ZNF536: variants seen among roughly 807,000 people sequenced by gnomAD.
ZNF536 encodes the protein zinc finger protein 536.
Under a neutral mutation model 84.5 loss-of-function variants are expected in ZNF536, and 13 were observed. The ratio of observed to expected loss-of-function variants is 0.15; its 90% confidence interval spans 0.10 to 0.24. ZNF536 has a LOEUF of 0.24. ZNF536 is among the 10% of genes least tolerant of loss of function. The probability of loss-of-function intolerance (pLI) is 1.00; values close to 1 mark genes in which losing one functional copy is unlikely to be tolerated. For missense variants in ZNF536, 1,536 were observed against 1,747.5 expected (o/e 0.88, Z 2.16); for synonymous variants, 811 against 742.5 (o/e 1.09, Z -1.50).
rs2146240726 is a variant in ZNF536 at position 30,549,156 on chromosome 19, T to C, written c.3537T>C (p.Asp1179=). The part of the protein sequence containing the change: ...DMDSSKGENN[D]EEDVETEPEM... ...ACTCCTCCAAGGGGGAGAACAACGA[T>C]GAAGAGGATGTTGAAACCGAACCGG... is the stretch of plus-strand genomic sequence containing the variant. Residue 1179 remains aspartate (D), a synonymous_variant, in exon 4 of 5, where the codon GAT becomes GAC. Transcript: ENST00000355537. 1 of 1,613,984 alleles carries C rather than the reference T, an allele frequency of 6.2e-7. No homozygotes were observed. The highest frequency in any genetic ancestry group is 1.3e-5 in the African/African-American group (1 of 75,020).
At chr19:30,506,510 A>G (rs1300993023) in intron 2 of ZNF536, among the ~76,000 whole-genome samples, 7 of 152,160 alleles carry the variant, frequency 4.6e-5, no homozygotes, top group Non-Finnish European at 1.0e-4. Context: ...CCCTTAACAG[A>G]GACTTCTAGG....
intron 2 of ZNF536, among the ~76,000 whole-genome samples, chr19:30,285,165 A>G (rs1473821962): frequency 6.6e-6 from 1 of 152,254 alleles, no homozygotes; most frequent in Non-Finnish European, 1.5e-5. Context: ...ACATGTACCA[A>G]CACCCTATTC....
At position 30,330,242 on chromosome 19, in the gene ZNF536, G is replaced by C. The variant is rs559986872; in HGVS notation, c.-119-22126G>C. Among the ~76,000 whole-genome samples, 30 of 152,334 alleles carry C rather than the reference G, an allele frequency of 2.0e-4. 1 individual carries two copies. The South Asian group carries it at 6.0e-3, about 31-fold the overall frequency. On this transcript the variant is annotated intron_variant, in intron 2 of 5. Coordinates refer to the ZNF536 transcript ENST00000585628. ...TAACTGTGCTAAATTCGATCATGTAGAAGTTTGTGGCCAATAGTATTATAT... is the reference window on the plus strand; with the variant it reads ...TAACTGTGCTAAATTCGATCATGTACAAGTTTGTGGCCAATAGTATTATAT...
At chr19:30,425,156 G>T (rs1745081760) in intron 1 of ZNF536, among the ~76,000 whole-genome samples, 1 of 151,992 alleles carries the variant, frequency 6.6e-6, no homozygotes, top group South Asian at 2.1e-4. Flanking sequence ...CTGTTCTGGT[G>T]ATGGGTGCAC....
intron 1 of ZNF536, among the ~76,000 whole-genome samples, chr19:30,640,298 T>C (rs544869931): frequency 4.6e-5 from 7 of 152,136 alleles, no homozygotes; most frequent in African/African-American, 1.7e-4. Context: ...GCACCACTGT[T>C]TTTTTCATGC....
chr19:30,373,679 T>G (rs2048696645), intron 1 of ZNF536, among the ~76,000 whole-genome samples: 3 of 152,192 alleles, frequency 2.0e-5, no homozygotes. Context: ...TGACAAAGAT[T>G]GCATTTAGGG....
At chr19:30,232,847 C>T (rs937396489) in intron 1 of ZNF536, among the ~76,000 whole-genome samples, 3 of 152,190 alleles carry the variant, frequency 2.0e-5, no homozygotes, top group Non-Finnish European at 2.9e-5. Flanking sequence ...GCTTCTACCC[C>T]ACTAGATGCC....
rs529941519 is a variant in ZNF536 at position 30,557,007 on chromosome 19, C to G, written c.3896-150C>G. 1.1e-5 allele frequency: 9 copies of G among 815,226 alleles called. No individual in the cohort carries two copies. In the South Asian group the frequency reaches 1.6e-4, roughly 15 times the overall value. 50.5% of individuals were successfully genotyped at this position (815,226 alleles called of 1,614,324 possible). ...ATCATGTTGACTATTCTTGCTTTAG[C>G]CAGAGACAGAAGGACCAAATTTTAT... On this transcript the variant is annotated intron_variant, in intron 4 of 4. Coordinates refer to ENST00000355537, the MANE Select transcript of ZNF536 (RefSeq NM_014717.3).
chr19:30,501,406 C>G (rs1370528769), intron 2 of ZNF536, among the ~76,000 whole-genome samples: 1 of 152,242 alleles, frequency 6.6e-6, no homozygotes, highest in East Asian at 1.9e-4. Context: ...AACCACTACA[C>G]AAGCTGTACA....
At chr19:30,492,514 C>T (rs1050842360) in intron 2 of ZNF536, among the ~76,000 whole-genome samples, 1 of 152,128 alleles carries the variant, frequency 6.6e-6, no homozygotes, top group Non-Finnish European at 1.5e-5. Context: ...CTCAAACCTT[C>T]CTTTGAAAGG....
At chr19:30,275,900 T>C (rs1343069292) in intron 1 of ZNF536, among the ~76,000 whole-genome samples, 1 of 152,100 alleles carries the variant, frequency 6.6e-6, no homozygotes, top group Non-Finnish European at 1.5e-5. Flanking sequence ...ATTTCTTTAG[T>C]GGCCCAAGTG....
chr19:30,622,700 C>A lies in ZNF536; in HGVS notation c.169+73186C>A, dbSNP rs867631358. Among the ~76,000 whole-genome samples the A allele has an allele frequency of 4.6e-5, 7 of 152,336 alleles. No individual in the cohort carries two copies. In the Middle Eastern group the frequency reaches 0.01, roughly 222 times the overall value. Reference sequence around the variant, plus strand: ...AGCTCCCTGGTTCCCCGCTACGCAGCTGTAGGTTGAAGGCCCAGCTTTGGG... The same window carrying A: ...AGCTCCCTGGTTCCCCGCTACGCAGATGTAGGTTGAAGGCCCAGCTTTGGG... On this transcript the variant is annotated intron_variant, in intron 1 of 1. Transcript: ENST00000592773.
intron 1 of ZNF536, among the ~76,000 whole-genome samples, chr19:30,416,206 C>A (rs6510160): frequency 0.98 from 148,677 of 151,826 alleles, 72,823 homozygotes; most frequent in Non-Finnish European, 0.98. Context: ...CCAATCAGTC[C>A]TTTCTCTCTT....
At chr19:30,424,126 G>A (rs773010389) in intron 1 of ZNF536, among the ~76,000 whole-genome samples, 4 of 152,180 alleles carry the variant, frequency 2.6e-5, no homozygotes, top group Non-Finnish European at 4.4e-5. Flanking sequence ...ACAGGACCTG[G>A]ATGTAGCTCA....
chr19:30,482,430 C>G (rs1409224306), intron 2 of ZNF536, among the ~76,000 whole-genome samples: 1 of 152,146 alleles, frequency 6.6e-6, no homozygotes, highest in Non-Finnish European at 1.5e-5. Context: ...TGTTTTATTC[C>G]TTCTCTGTGC....
chr19:30,490,700 C>T (rs1054022155), intron 2 of ZNF536, among the ~76,000 whole-genome samples: 2 of 152,084 alleles, frequency 1.3e-5, no homozygotes, highest in Admixed American at 1.3e-4. Flanking sequence ...CCTAGGGCAC[C>T]CCAAGATGAT....
At chr19:30,436,618 A>G (rs1242333170) in intron 1 of ZNF536, 1 of 508,006 alleles carries the variant, frequency 2.0e-6, no homozygotes, top group Non-Finnish European at 2.5e-6. Context: ...ATTTCAGAAC[A>G]GGAGTGTATT....
At chr19:30,440,813 C>T (rs2052001960) in intron 1 of ZNF536, among the ~76,000 whole-genome samples, 1 of 151,934 alleles carries the variant, frequency 6.6e-6, no homozygotes, top group Non-Finnish European at 1.5e-5. Flanking sequence ...ATTCTATCCT[C>T]AGCTGAGGAT....
chr19:30,621,133 C>T (rs374960800), intron 1 of ZNF536, among the ~76,000 whole-genome samples: 1 of 151,962 alleles, frequency 6.6e-6, no homozygotes, highest in Admixed American at 6.6e-5. Context: ...ATTTGAAGAA[C>T]AGCATCTAAC....
Sources: allele counts gnomAD v4.1 joint callset (sites outside exome capture counted in the v4.1 genomes callset), GRCh38; gene constraint gnomAD v4.1.1; transcripts MANE v1.5; gene names NCBI Gene and HGNC (gene_info 2026-07-23, HGNC 2026-07-21).